Variants in SCFD2 observed in about 807,000 individuals in gnomAD.
The protein encoded by SCFD2 is sec1 family domain-containing protein 2.
Under a neutral mutation model 58.9 loss-of-function variants are expected in SCFD2, and 54 were observed. The observed-to-expected ratio is 0.92, with a 90% confidence interval of 0.74 to 1.15. The LOEUF is 1.15. Among genes scored for constraint, SCFD2 ranks in the 50% most tolerant of loss-of-function variants. The pLI is 0.00. For missense variants in SCFD2, 805 were observed against 836.6 expected (o/e 0.96, Z 0.47); for synonymous variants, 321 against 335.9 (o/e 0.96, Z 0.49).
intron 5 of SCFD2, among the ~76,000 whole-genome samples, chr4:52,968,447 CT>C (rs1293585093): frequency 6.6e-6 from 1 of 152,208 alleles, no homozygotes; most frequent in African/African-American, 2.4e-5. Context: ...TATATCTGGT[CT>C]TCCAATCTGT....
intron 4 of SCFD2, among the ~76,000 whole-genome samples, chr4:53,201,365 T>A (rs918829450): frequency 3.9e-5 from 6 of 152,222 alleles, no homozygotes; most frequent in African/African-American, 1.4e-4. Context: ...CATCCTTTTT[T>A]ATGGCTCCAT....
At chr4:53,047,533 T>C (rs2148829215) in intron 5 of SCFD2, among the ~76,000 whole-genome samples, 1 of 152,328 alleles carries the variant, frequency 6.6e-6, no homozygotes, top group Admixed American at 6.5e-5. Flanking sequence ...ACTCCTTAAC[T>C]ATCTGTTCCT....
intron 7 of SCFD2, 44 bp from the exon 8 acceptor site, chr4:52,885,910 G>A (rs746511049): frequency 1.9e-6 from 3 of 1,611,198 alleles, no homozygotes; most frequent in Non-Finnish European, 2.5e-6. Flanking sequence ...TGGCAGTGAT[G>A]CAGGCACAAT....
intron 4 of SCFD2, among the ~76,000 whole-genome samples, chr4:53,168,852 C>A (rs1480148853): frequency 6.6e-6 from 1 of 152,182 alleles, no homozygotes; most frequent in Non-Finnish European, 1.5e-5. Flanking sequence ...ACATATTCTT[C>A]CTGTCTAAAC....
intron 3 of SCFD2, among the ~76,000 whole-genome samples, chr4:53,300,793 A>T (rs1732252462): frequency 6.6e-6 from 1 of 152,158 alleles, no homozygotes; most frequent in Non-Finnish European, 1.5e-5. Context: ...GTATTAAGAA[A>T]CTCACTCAAA....
chr4:53,175,670 T>C (rs947223401), intron 4 of SCFD2, among the ~76,000 whole-genome samples: 1 of 152,210 alleles, frequency 6.6e-6, no homozygotes, highest in Non-Finnish European at 1.5e-5. Flanking sequence ...TTTAAAATTG[T>C]CTCCATGAAT....
At chr4:52,979,607 C>T (rs925348794) in intron 5 of SCFD2, among the ~76,000 whole-genome samples, 6 of 152,084 alleles carry the variant, frequency 3.9e-5, no homozygotes, top group African/African-American at 1.4e-4. Context: ...CTGAACTGCA[C>T]TGGGCTATGT....
intron 4 of SCFD2, among the ~76,000 whole-genome samples, chr4:53,220,574 T>A (rs1729019079): frequency 6.9e-6 from 1 of 144,816 alleles, no homozygotes; most frequent in African/African-American, 2.4e-5. Flanking sequence ...CAGTCAGGTA[T>A]TCAGTTACTC....
intron 2 of SCFD2, among the ~76,000 whole-genome samples, chr4:53,334,089 A>T (rs1475940053): frequency 1.3e-5 from 2 of 152,210 alleles, no homozygotes; most frequent in African/African-American, 4.8e-5. Flanking sequence ...ATCATTAAAA[A>T]ATCAGGAAAC....
intron 5 of SCFD2, among the ~76,000 whole-genome samples, chr4:53,061,201 G>GA (rs1228580279): frequency 6.6e-6 from 1 of 152,084 alleles, no homozygotes; most frequent in Non-Finnish European, 1.5e-5. Flanking sequence ...CATTAGTGAA[G>GA]AAAATGCAAG....
intron 8 of SCFD2, among the ~76,000 whole-genome samples, chr4:52,876,097 G>C (rs577117732): frequency 6.6e-6 from 1 of 151,740 alleles, no homozygotes; most frequent in Non-Finnish European, 1.5e-5. Flanking sequence ...GCTTCCAGGC[G>C]AGTGCCATCA....
At chr4:52,993,309 T>C (rs1721665687) in intron 5 of SCFD2, among the ~76,000 whole-genome samples, 1 of 152,118 alleles carries the variant, frequency 6.6e-6, no homozygotes, top group South Asian at 2.1e-4. Context: ...TGTTCACTTG[T>C]TTATCTGCTG....
intron 5 of SCFD2, among the ~76,000 whole-genome samples, chr4:52,927,173 C>T (rs556414470): frequency 8.9e-4 from 135 of 152,272 alleles, no homozygotes; most frequent in African/African-American, 3.1e-3. Context: ...AAATCAATCT[C>T]TCTCTTACAA....
chr4:53,255,078 A>T, intron 4 of SCFD2, among the ~76,000 whole-genome samples: 1 of 150,542 alleles, frequency 6.6e-6, no homozygotes, highest in South Asian at 2.1e-4. Context: ...TCACTGTGTT[A>T]TCCAGGTTGG....
intron 2 of SCFD2, among the ~76,000 whole-genome samples, chr4:53,335,793 G>T (rs1476203097): frequency 1.3e-5 from 2 of 152,030 alleles, no homozygotes; most frequent in African/African-American, 4.8e-5. Flanking sequence ...TGTGAATGAG[G>T]TGCTCTCCAA....
intron 4 of SCFD2, among the ~76,000 whole-genome samples, chr4:53,184,475 T>G (rs976159472): frequency 2.0e-5 from 3 of 152,142 alleles, no homozygotes; most frequent in Admixed American, 2.0e-4. Context: ...CAACAGTAAC[T>G]GGAACCCTCA....
At chr4:53,150,264 C>T (rs1372544013) in intron 4 of SCFD2, among the ~76,000 whole-genome samples, 2 of 152,084 alleles carry the variant, frequency 1.3e-5, no homozygotes, top group African/African-American at 2.4e-5. Context: ...ACTTCGTGGT[C>T]AGGAAGAACT....
At position 53,302,096 on chromosome 4, in the gene SCFD2, G is replaced by C. The variant is rs562401582; in HGVS notation, c.1135+11540C>G. On this transcript the variant is annotated intron_variant, in intron 3 of 8. Transcript: ENST00000401642. ...TATTCAACATAGTGTTGGAAGTTCT[G>C]GCCAGGGCAATCAGGCAGGAGAAGG... Among the ~76,000 whole-genome samples the C allele has an allele frequency of 4.6e-3, 694 of 152,162 alleles. 5 individuals are homozygous for C. The highest frequency in any genetic ancestry group is 0.016 in the African/African-American group (659 of 41,512).
intron 5 of SCFD2, chr4:52,949,295 T>G (rs1372239471): frequency 1.3e-5 from 2 of 152,226 alleles, no homozygotes; most frequent in Non-Finnish European, 2.9e-5. Context: ...ATACTTCGAC[T>G]TATAAGTCCA....
Sources: gnomAD v4.1 joint callset for allele counts (sites outside exome capture counted in the v4.1 genomes callset) on GRCh38, gnomAD v4.1.1 for gene constraint, MANE v1.5 for transcripts, NCBI Gene and HGNC (gene_info 2026-07-23, HGNC 2026-07-21) for gene names.